CACNA1C: variants seen among roughly 807,000 people sequenced by gnomAD.
CACNA1C encodes calcium voltage-gated channel subunit alpha1 C.
A neutral mutation model predicts 229.0 loss-of-function variants in CACNA1C; 30 were observed. That is an observed-to-expected ratio of 0.13 (90% CI 0.10 to 0.18). CACNA1C has a LOEUF of 0.18. Ranked by LOEUF, CACNA1C falls within the 10% of genes least tolerant of loss-of-function variation. The pLI is 1.00. For synonymous variants in CACNA1C, 1,114 were observed against 1,132.5 expected (o/e 0.98, Z 0.33); for missense variants, 1,658 against 2,845.0 (o/e 0.58, Z 9.49).
chr12:2,549,848 G>A lies in CACNA1C; in HGVS notation c.1391-95G>A, dbSNP rs996495415. ...GCCTCTCTTTCTGCCAACCCGCACT[G>A]GGTCTTGCGGTGGGCGTGTTGCAAA... On this transcript the variant is annotated intron_variant, in intron 9 of 46. Transcript: ENST00000399655. The A allele has an allele frequency of 4.7e-6, 4 of 854,228 alleles. No homozygotes were observed. In the East Asian group the frequency reaches 1.1e-4, roughly 23 times the overall value. 52.9% of individuals were successfully genotyped at this position (854,228 alleles called of 1,614,324 possible). A position where few individuals can be genotyped will look rare whatever the true frequency, so the allele number is the denominator to read the frequency against.
At chr12:2,683,043 T>C (rs1392333157) in intron 43 of CACNA1C, among the ~76,000 whole-genome samples, 1 of 152,042 alleles carries the variant, frequency 6.6e-6, no homozygotes, top group Non-Finnish European at 1.5e-5. Flanking sequence ...CACATACATA[T>C]ATAGATAATT....
intron 3 of CACNA1C, among the ~76,000 whole-genome samples, chr12:2,332,870 C>T (rs2096588128): frequency 6.6e-6 from 1 of 152,224 alleles, no homozygotes; most frequent in African/African-American, 2.4e-5. Flanking sequence ...TACTTGGTAG[C>T]ATTTCTCCCT....
chr12:2,637,464 G>A (rs984575269), intron 30 of CACNA1C, among the ~76,000 whole-genome samples: 1 of 152,186 alleles, frequency 6.6e-6, no homozygotes, highest in African/African-American at 2.4e-5. Flanking sequence ...CATAGAGATG[G>A]CCAACAGGTA....
chr12:2,041,848 G>C (rs1281824268), intron 1 of CACNA1C, among the ~76,000 whole-genome samples: 6 of 152,240 alleles, frequency 3.9e-5, no homozygotes, highest in African/African-American at 1.2e-4. Flanking sequence ...TGCCGAGCCA[G>C]GACCTTACGG....
chr12:2,550,620 C>G, intron 10 of CACNA1C: 2 of 1,351,300 alleles, frequency 1.5e-6, no homozygotes, highest in Non-Finnish European at 2.0e-6. Context: ...ACCCTGGCCT[C>G]TGGAAGAACT....
At chr12:2,135,378 G>A (rs548440182) in intron 3 of CACNA1C, among the ~76,000 whole-genome samples, 2,120 of 145,262 alleles carry the variant, frequency 0.015, 77 homozygotes, top group African/African-American at 0.037. Context: ...AGGAGGAGAG[G>A]CGCTCTGATT....
rs1277269518 is a variant in CACNA1C, at chr12:2,372,743, C to T, written c.478-76233C>T. ...CCTCCCTTTCCAAGGCCCATCCATC[C>T]GTTAGCCTGCCCCCTGGCATGTTCC... On this transcript the variant is annotated intron_variant, in intron 3 of 46. Transcript: ENST00000399655. Among the ~76,000 whole-genome samples, 34 of 152,216 alleles carry T rather than the reference C, an allele frequency of 2.2e-4. 1 individual carries two copies. The highest frequency in any genetic ancestry group is 2.2e-3 in the Admixed American group (33 of 15,284).
intron 1 of CACNA1C, among the ~76,000 whole-genome samples, chr12:2,062,492 A>G (rs964200632): frequency 9.2e-5 from 14 of 152,152 alleles, no homozygotes; most frequent in East Asian, 5.8e-4. Context: ...GAAACCCACT[A>G]TCTCTCTATC....
intron 3 of CACNA1C, among the ~76,000 whole-genome samples, chr12:2,199,727 G>C (rs899527888): frequency 6.6e-6 from 1 of 151,992 alleles, no homozygotes; most frequent in Non-Finnish European, 1.5e-5. Context: ...CTTTTCCTCT[G>C]TCAGGTCCCA....
intron 29 of CACNA1C, among the ~76,000 whole-genome samples, chr12:2,622,571 C>T (rs1384994476): frequency 6.6e-6 from 1 of 152,148 alleles, no homozygotes; most frequent in Non-Finnish European, 1.5e-5. Flanking sequence ...CCCAGCTGTG[C>T]AGAATTGAAT....
chr12:2,572,314 CCTCCTCT>C (rs2055077087), intron 13 of CACNA1C, among the ~76,000 whole-genome samples: 3 of 144,912 alleles, frequency 2.1e-5, no homozygotes, highest in Admixed American at 1.4e-4. Flanking sequence ...TCCTCCTCCT[CCTCCTCT>C]TCCTCCTCCT....
intron 3 of CACNA1C, among the ~76,000 whole-genome samples, chr12:2,129,712 G>A (rs1226357567): frequency 6.6e-6 from 1 of 152,132 alleles, no homozygotes; most frequent in Non-Finnish European, 1.5e-5. Context: ...GTAATGCTGG[G>A]GAGCTGTCAG....
At position 2,467,073 on chromosome 12, in the gene CACNA1C, C is replaced by G. The variant is rs1334824305; in HGVS notation, c.757+9367C>G. Among the ~76,000 whole-genome samples the G allele has an allele frequency of 6.6e-6, 1 of 152,198 alleles. No homozygotes were observed. Among genetic ancestry groups the G allele is most frequent in the African/African-American group, 2.4e-5 (1 of 41,460 alleles). Reference sequence around the variant, plus strand: ...ACAGGGGCATGTGCAGGGGGCCACCCCTGAGGCCGTCCCTCATTCTCCTTC... The same window carrying G: ...ACAGGGGCATGTGCAGGGGGCCACCGCTGAGGCCGTCCCTCATTCTCCTTC... On this transcript the variant is annotated intron_variant, in intron 5 of 46. Transcript: ENST00000399655. The surrounding 1 kb of genome is among the most constrained non-coding windows in gnomAD (Gnocchi z 4.6).
intron 3 of CACNA1C, among the ~76,000 whole-genome samples, chr12:2,272,987 T>C (rs2085812392): frequency 6.6e-6 from 1 of 152,228 alleles, no homozygotes; most frequent in African/African-American, 2.4e-5. Flanking sequence ...CCCAGTGATA[T>C]CTTTGCTTCT....
rs117169100 is a variant in CACNA1C, at chr12:2,661,827, G to A, written c.4233-2998G>A. 3.7e-4 allele frequency among the ~76,000 whole-genome samples: 57 copies of A among 152,294 alleles called. 2 individuals carry two copies. In the East Asian group the frequency reaches 0.01, roughly 27 times the overall value. On this transcript the variant is annotated intron_variant, in intron 34 of 46. Coordinates refer to ENST00000399655, the MANE Select transcript of CACNA1C (RefSeq NM_000719.7). ...GAATTAATAAAGTGGAAGATTAAAAGATTAACAAAGAAAAATAATTGCTTT... is the reference window on the plus strand; with the variant it reads ...GAATTAATAAAGTGGAAGATTAAAAAATTAACAAAGAAAAATAATTGCTTT...
At chr12:2,147,020 C>A (rs2094777293) in intron 3 of CACNA1C, among the ~76,000 whole-genome samples, 1 of 150,882 alleles carries the variant, frequency 6.6e-6, no homozygotes, top group South Asian at 2.1e-4. Context: ...TCTCCAACCC[C>A]CCCAATTATC....
intron 1 of CACNA1C, among the ~76,000 whole-genome samples, chr12:2,007,312 A>T (rs571653905): frequency 1.3e-4 from 20 of 152,236 alleles, no homozygotes; most frequent in Non-Finnish European, 2.8e-4. Flanking sequence ...AAGTGTAAAG[A>T]ATAGATCATG....
At chr12:2,113,361 A>G (rs781390174) in intron 1 of CACNA1C, among the ~76,000 whole-genome samples, 11 of 152,194 alleles carry the variant, frequency 7.2e-5, no homozygotes, top group Non-Finnish European at 1.3e-4. Flanking sequence ...GAGCAAAGTT[A>G]TCTTGGAGGT....
chr12:2,487,389 C>T (rs918218073), intron 6 of CACNA1C, among the ~76,000 whole-genome samples: 3 of 149,750 alleles, frequency 2.0e-5, no homozygotes, highest in Non-Finnish European at 4.4e-5. Flanking sequence ...TTCCAAACAA[C>T]AGGGAGTGAA....
Sources: gnomAD v4.1 joint callset for allele counts (sites outside exome capture counted in the v4.1 genomes callset) on GRCh38, gnomAD v4.1.1 for gene constraint, Gnocchi (gnomAD v3.1) non-coding constraint, MANE v1.5 for transcripts, NCBI Gene and HGNC (gene_info 2026-07-23, HGNC 2026-07-21) for gene names.